SEMA4D: variants seen among roughly 807,000 people sequenced by gnomAD.
The protein encoded by SEMA4D is semaphorin-4D.
SEMA4D carries 22 observed loss-of-function variants against 74.8 expected under a neutral mutation model. The observed-to-expected ratio is 0.29, with a 90% CI of 0.21 to 0.42. The LOEUF (loss-of-function observed/expected upper bound fraction) is 0.42, where lower values mean the gene tolerates loss of function less well. SEMA4D is among the 10% of genes least tolerant of loss of function. The pLI is 1.00. For missense variants in SEMA4D, 937 were observed against 1,118.4 expected (o/e 0.84, Z 2.31); for synonymous variants, 445 against 463.7 (o/e 0.96, Z 0.52).
intron 2 of SEMA4D, among the ~76,000 whole-genome samples, chr9:89,438,787 T>C (rs1851023284): frequency 6.6e-6 from 1 of 151,456 alleles, no homozygotes; most frequent in South Asian, 2.1e-4. Flanking sequence ...TGCCTCAGTC[T>C]CCTGAGTAGC....
chr9:89,489,113 AC>A (rs1825427990), intron 1 of SEMA4D, among the ~76,000 whole-genome samples: 1 of 152,254 alleles, frequency 6.6e-6, no homozygotes, highest in South Asian at 2.1e-4. Context: ...AAGACTGACA[AC>A]AGCAAGTGTT....
In SEMA4D at chr9:89,387,624, C is replaced by G; in HGVS notation, c.1108-16G>C. On this transcript the variant is annotated splice_polypyrimidine_tract_variant and intron_variant, in intron 11 of 15. Transcript: ENST00000422704. The stretch of plus-strand genomic sequence containing the variant: ...TGTCGATGCACTGCAGGGAGAAAAT[C>G]CCCGCTGTTAACGTGCTCGTGTCCC... 6.2e-7 allele frequency: 1 copy of G among 1,611,940 alleles called. No individual in the cohort carries two copies. The highest frequency in any genetic ancestry group is 2.2e-5 in the East Asian group (1 of 44,868).
chr9:89,404,879 A>G (rs1413941067), intron 3 of SEMA4D, among the ~76,000 whole-genome samples: 4 of 123,824 alleles, frequency 3.2e-5, no homozygotes, highest in South Asian at 2.9e-4. Context: ...TGGAGTCCCC[A>G]TCCCATCCCC....
At chr9:89,439,778 A>C (rs1248624955) in intron 2 of SEMA4D, among the ~76,000 whole-genome samples, 1 of 152,228 alleles carries the variant, frequency 6.6e-6, no homozygotes, top group Admixed American at 6.5e-5. Flanking sequence ...GTCTATTTTT[A>C]AAAGCCTATT....
chr9:89,454,485 T>G (rs558043933), intron 2 of SEMA4D, among the ~76,000 whole-genome samples: 121 of 152,268 alleles, frequency 7.9e-4, no homozygotes, highest in African/African-American at 2.7e-3. Context: ...TTGGGGGCCT[T>G]GGACAGGTGG....
intron 1 of SEMA4D, among the ~76,000 whole-genome samples, chr9:89,460,171 C>T (rs550087191): frequency 1.3e-5 from 2 of 152,324 alleles, no homozygotes; most frequent in East Asian, 3.9e-4. Context: ...AACCTTGCTT[C>T]GCTTCTGTCC....
intron 1 of SEMA4D, among the ~76,000 whole-genome samples, chr9:89,491,012 T>A (rs1825582556): frequency 6.6e-6 from 1 of 152,214 alleles, no homozygotes; most frequent in Admixed American, 6.5e-5. Flanking sequence ...ATATCCTGAT[T>A]ATGGTGTCAG....
intron 1 of SEMA4D, among the ~76,000 whole-genome samples, chr9:89,468,985 G>A (rs1859460364): frequency 6.6e-6 from 1 of 152,072 alleles, no homozygotes; most frequent in Admixed American, 6.6e-5. Context: ...GTAATACCTA[G>A]GACTACAGAC....
chr9:89,447,140 G>T (rs1351827579), intron 2 of SEMA4D, among the ~76,000 whole-genome samples: 1 of 152,022 alleles, frequency 6.6e-6, no homozygotes, highest in African/African-American at 2.4e-5. Flanking sequence ...GCACCCAAAA[G>T]TTTGTCTCTC....
chr9:89,391,050 A>C (rs754965163), intron 9 of SEMA4D, among the ~76,000 whole-genome samples: 3 of 152,244 alleles, frequency 2.0e-5, no homozygotes, highest in Non-Finnish European at 4.4e-5. Flanking sequence ...GAACCTCCTG[A>C]GAAGAGGAGG....
intron 3 of SEMA4D, among the ~76,000 whole-genome samples, chr9:89,404,256 C>T (rs1842799489): frequency 6.6e-6 from 1 of 152,256 alleles, no homozygotes; most frequent in Non-Finnish European, 1.5e-5. Context: ...CTGTTCTTCT[C>T]AGGCGCCTGG....
chr9:89,438,116 T>C (rs1274794624), intron 2 of SEMA4D, among the ~76,000 whole-genome samples: 1 of 152,296 alleles, frequency 6.6e-6, no homozygotes, highest in Admixed American at 6.5e-5. Context: ...CCCTGGGGGC[T>C]GAGTGTGGAA....
intron 2 of SEMA4D, among the ~76,000 whole-genome samples, chr9:89,417,389 T>C (rs903553747): frequency 6.6e-6 from 1 of 152,196 alleles, no homozygotes; most frequent in Non-Finnish European, 1.5e-5. Flanking sequence ...CAAGATGTGC[T>C]CTCATCACGG....
chr9:89,468,480 C>CA (rs1224068031), intron 1 of SEMA4D, among the ~76,000 whole-genome samples: 1 of 152,174 alleles, frequency 6.6e-6, no homozygotes, highest in Non-Finnish European at 1.5e-5. Flanking sequence ...GTCCCTGACT[C>CA]ACCAAATAAA....
rs188756874 is a variant in SEMA4D at position 89,389,180 on chromosome 9, G to A, written c.775-133C>T. ...TGACTGAAACAAAGCTCGGGCAACA[G>A]GAGACAGATGCCGCAATTATGTGAG... On this transcript the variant is annotated intron_variant, in intron 9 of 15. Coordinates refer to ENST00000422704, the MANE Select transcript of SEMA4D (RefSeq NM_001371194.2). 11 of 843,024 alleles carry A rather than the reference G, an allele frequency of 1.3e-5. No homozygotes were observed. In the Admixed American group the frequency reaches 1.5e-4, roughly 11 times the overall value. The allele number at this position is 843,024 out of a possible 1,614,324, so 52.2% of individuals were successfully genotyped here. A position where few individuals can be genotyped will look rare whatever the true frequency, so the allele number is the denominator to read the frequency against.
Position 89,418,093 on chromosome 9 carries a change from T to C in SEMA4D, c.-243-12394A>G, listed in dbSNP as rs977902274. 2.0e-5 allele frequency: 20 copies of C among 985,130 alleles called. No individual in the cohort carries two copies. In the African/African-American group the frequency reaches 3.0e-4, roughly 15 times the overall value. 61.0% of individuals were successfully genotyped at this position (985,130 alleles called of 1,614,324 possible). ...CCTCTTGAAACTTTCCAGTCATTTC[T>C]AGAAAGACGTCTTCAGAAATCTTTG... On this transcript the variant is annotated intron_variant, in intron 2 of 15. Coordinates refer to ENST00000422704, the MANE Select transcript of SEMA4D (RefSeq NM_001371194.2).
downstream of SEMA4D, among the ~76,000 whole-genome samples, chr9:89,373,530 C>CAA (rs1467927300): frequency 6.6e-6 from 1 of 152,202 alleles, no homozygotes; most frequent in Non-Finnish European, 1.5e-5. Context: ...GGTCACCCAG[C>CAA]AGAGCTACAG....
chr9:89,412,263 G>A (rs779520644), intron 2 of SEMA4D, among the ~76,000 whole-genome samples: 2 of 152,182 alleles, frequency 1.3e-5, no homozygotes, highest in African/African-American at 2.4e-5. Flanking sequence ...AAACAAAATC[G>A]CCAGTGAAGA....
Position 89,366,524 on chromosome 9 carries a change from A to AG in SEMA4D, c.1883-2575_1883-2574insC, listed in dbSNP as rs1054150488. Among the ~76,000 whole-genome samples the AG allele has an allele frequency of 5.1e-4, 77 of 152,338 alleles. 1 individual carries two copies. The highest frequency in any genetic ancestry group is 1.8e-3 in the African/African-American group (73 of 41,566). On this transcript the variant is annotated intron_variant, in intron 16 of 18. Transcript: ENST00000339861. The stretch of plus-strand genomic sequence containing the variant: ...GTTTTTGTGCAGAATTTAAAAAAAA[A>AG]CAAAACTTAACACTCTATAATTTGT...
Sources: allele counts gnomAD v4.1 joint callset (sites outside exome capture counted in the v4.1 genomes callset), GRCh38; gene constraint gnomAD v4.1.1; transcripts MANE v1.5; gene names NCBI Gene and HGNC (gene_info 2026-07-23, HGNC 2026-07-21).